The following PEX7 variants were observed in gnomAD, a reference collection of about 807,000 sequenced individuals.
PEX7 encodes PTS2 receptor.
PEX7 carries 34 observed loss-of-function variants against 47.5 expected under a neutral mutation model. The ratio of observed to expected loss-of-function variants is 0.72; its 90% CI spans 0.54 to 0.95. The LOEUF (loss-of-function observed/expected upper bound fraction) is 0.95. Among genes scored for constraint, PEX7 ranks in the 40% least tolerant of loss-of-function variants. The pLI, the probability that PEX7 is intolerant of heterozygous loss-of-function variation, is 0.00. For synonymous variants in PEX7, 141 were observed against 148.8 expected, an observed-to-expected ratio of 0.95 and a Z score of 0.38; for missense variants, 394 against 400.3, an observed-to-expected ratio of 0.98 and a Z score of 0.13.
intron 3 of PEX7, among the ~76,000 whole-genome samples, chr6:136,845,024 CTG>C (rs1774570321): frequency 6.6e-6 from 1 of 152,136 alleles, no homozygotes; most frequent in Non-Finnish European, 1.5e-5. Flanking sequence ...TGTGTATAAT[CTG>C]TTGTATAAAA....
At chr6:136,874,952 C>T (rs974171630) in intron 8 of PEX7, among the ~76,000 whole-genome samples, 16 of 151,994 alleles carry the variant, frequency 1.1e-4, no homozygotes, top group Non-Finnish European at 1.6e-4. Context: ...CCAGCCTGAC[C>T]AACATGGTGA....
At chr6:136,835,357 C>T (rs986053557) in intron 3 of PEX7, among the ~76,000 whole-genome samples, 1 of 151,540 alleles carries the variant, frequency 6.6e-6, no homozygotes, top group Non-Finnish European at 1.5e-5. Context: ...GGCATGTTCT[C>T]AGCTCACTGC....
At chr6:136,863,694 G>A (rs925958779) in intron 5 of PEX7, among the ~76,000 whole-genome samples, 5 of 152,088 alleles carry the variant, frequency 3.3e-5, no homozygotes, top group Non-Finnish European at 5.9e-5. Context: ...GATTGCTTGA[G>A]CTCGGGAGCT....
In PEX7 at chr6:136,822,612, G is replaced by A. The variant is rs1774093893; in HGVS notation, c.-54G>A. 2.0e-6 allele frequency: 3 copies of A among 1,493,880 alleles called. No individual in the cohort carries two copies. The South Asian group carries it at 3.6e-5, about 18-fold the overall frequency. 92.5% of individuals were successfully genotyped at this position (1,493,880 alleles called of 1,614,324 possible). On this transcript the variant is annotated 5_prime_UTR_variant, in exon 1 of 10. Coordinates refer to ENST00000318471, the MANE Select transcript of PEX7 (RefSeq NM_000288.4). The stretch of plus-strand genomic sequence containing the variant: ...TCTCTAACCGCGCCAGTGTGCCTCC[G>A]ACTCGGAACGGCTTCCGCGGCCGGG...
At chr6:136,855,507 T>G (rs1013535823) in intron 5 of PEX7, among the ~76,000 whole-genome samples, 1 of 152,086 alleles carries the variant, frequency 6.6e-6, no homozygotes, top group Non-Finnish European at 1.5e-5. Flanking sequence ...GCCCGGCTAA[T>G]TTTTGTATTT....
rs537970096 is a variant in PEX7, at chr6:136,829,473, C to G, written c.339+3004C>G. On this transcript the variant is annotated intron_variant, in intron 3 of 9. Transcript: ENST00000318471. ...GCTCTACATTCATGACCTAATTACC[C>G]CCCAGAGGCCCTACGTCCTAAAACC... 1.9e-4 allele frequency among the ~76,000 whole-genome samples: 29 copies of G among 152,260 alleles called. No individual in the cohort carries two copies. The South Asian group carries it at 5.8e-3, about 30-fold the overall frequency.
intron 5 of PEX7, among the ~76,000 whole-genome samples, chr6:136,866,333 G>A (rs1775071357): frequency 6.6e-6 from 1 of 151,954 alleles, no homozygotes; most frequent in Admixed American, 6.6e-5. Context: ...AATTTTCAGG[G>A]CCTTTCCTGC....
In PEX7 at chr6:136,898,233, C is replaced by A; in HGVS notation, c.895C>A (p.Pro299Thr). 5 of 1,579,934 alleles carry A rather than the reference C, an allele frequency of 3.2e-6. No individual in the cohort carries two copies. The highest frequency in any genetic ancestry group is 4.4e-6 in the Non-Finnish European group (5 of 1,148,960). ...TGGTTTAGACTTCAGTCTTCAGAGC[C>A]CCACTCAGGTAACGGATACAATCTC... Reference protein sequence around the residue: ...TCGLDFSLQSPTQVADCSWDE... With the variant: ...TCGLDFSLQSTTQVADCSWDE... The change falls in exon 9 of 10, where the codon CCC becomes ACC. Residue 299 changes from proline (P) to threonine (T), a missense_variant. Pro to Thr is a conservative substitution (Grantham distance 38). Coordinates refer to ENST00000318471, the MANE Select transcript of PEX7 (RefSeq NM_000288.4).
intron 3 of PEX7, among the ~76,000 whole-genome samples, chr6:136,838,851 C>T (rs1040130951): frequency 1.3e-5 from 2 of 152,068 alleles, no homozygotes; most frequent in Non-Finnish European, 2.9e-5. Flanking sequence ...TACTTTTATG[C>T]ATGTTTTAAA....
At chr6:136,825,124 A>C in intron 1 of PEX7, 90 bp from the exon 2 acceptor site, 1 of 1,051,974 alleles carries the variant, frequency 9.5e-7, no homozygotes, top group South Asian at 1.3e-5. Flanking sequence ...TGTGGTATTA[A>C]AATCAGGTAT....
Position 136,826,385 on chromosome 6 carries a change from C to T in PEX7, c.255C>T (p.Thr85=), listed in dbSNP as rs771826680. 2.5e-6 allele frequency: 4 copies of T among 1,613,756 alleles called. No homozygotes were observed. The highest frequency in any genetic ancestry group is 3.4e-6 in the Non-Finnish European group (4 of 1,180,010). The change falls in exon 3 of 10, where the codon ACC becomes ACT. Residue 85 remains threonine, a synonymous_variant. Transcript: ENST00000318471. ...WSENNEHVLI[T]CSGDGSLQLW... The stretch of plus-strand genomic sequence containing the variant: ...AGAACAACGAACATGTCCTCATCAC[C>T]TGTAGTGGCGATGGCTCGCTGCAGC...
intron 5 of PEX7, among the ~76,000 whole-genome samples, chr6:136,853,913 A>T: frequency 6.6e-6 from 1 of 152,164 alleles, no homozygotes; most frequent in Non-Finnish European, 1.5e-5. Context: ...TTATTTTTTG[A>T]ATTTTTAAGC....
intron 9 of PEX7, among the ~76,000 whole-genome samples, chr6:136,908,903 G>A (rs111510425): frequency 0.018 from 2,702 of 152,232 alleles, 86 homozygotes; most frequent in African/African-American, 0.059. Flanking sequence ...GCTGTCTAGC[G>A]GGTTCCTCCT....
intron 8 of PEX7, among the ~76,000 whole-genome samples, chr6:136,894,084 A>G (rs1775601963): frequency 1.3e-5 from 2 of 152,108 alleles, no homozygotes; most frequent in Admixed American, 6.6e-5. Context: ...AGTCCCAGCT[A>G]TTTGGGAGGG....
At chr6:136,860,004 CTCTG>C in intron 5 of PEX7, among the ~76,000 whole-genome samples, 1 of 149,952 alleles carries the variant, frequency 6.7e-6, no homozygotes, top group Non-Finnish European at 1.5e-5. Context: ...CAGAGTTAGA[CTCTG>C]TCTCAGAAAA....
chr6:136,906,676 T>G (rs1316725548), intron 9 of PEX7, among the ~76,000 whole-genome samples: 4 of 152,190 alleles, frequency 2.6e-5, no homozygotes, highest in African/African-American at 9.7e-5. Flanking sequence ...CTGTCCCTTT[T>G]TTAAGGCATT....
At chr6:136,897,301 C>T (rs955996158) in intron 8 of PEX7, among the ~76,000 whole-genome samples, 2 of 152,176 alleles carry the variant, frequency 1.3e-5, no homozygotes, top group African/African-American at 4.8e-5. Flanking sequence ...GGATATGACT[C>T]TGTGATCCTG....
chr6:136,895,166 T>C (rs1775627692), intron 8 of PEX7, among the ~76,000 whole-genome samples: 1 of 152,106 alleles, frequency 6.6e-6, no homozygotes, highest in African/African-American at 2.4e-5. Context: ...TAGAGATACA[T>C]AGAAAAACTC....
Position 136,887,766 on chromosome 6 carries a change from A to G in PEX7, c.804-10376A>G, listed in dbSNP as rs572666481. On this transcript the variant is annotated intron_variant, in intron 8 of 9. Transcript: ENST00000318471. ...AGAAAAAAGCAAACTGTATTTACTCATGCAAAATAAGACCCTAAAATACCT... is the reference window on the plus strand; with the variant it reads ...AGAAAAAAGCAAACTGTATTTACTCGTGCAAAATAAGACCCTAAAATACCT... 4.5e-4 allele frequency among the ~76,000 whole-genome samples: 68 copies of G among 152,354 alleles called. 2 individuals are homozygous for G. Among genetic ancestry groups the G allele is most frequent in the African/African-American group, 1.6e-3 (68 of 41,584 alleles).
Sources: gnomAD v4.1 joint callset for allele counts (sites outside exome capture counted in the v4.1 genomes callset) on GRCh38, gnomAD v4.1.1 for gene constraint, MANE v1.5 for transcripts, NCBI Gene and HGNC (gene_info 2026-07-23, HGNC 2026-07-21) for gene names.